Variants in NEK3 observed in about 807,000 individuals in gnomAD.
The protein encoded by NEK3 is NIMA related kinase 3, also known as serine/threonine-protein kinase Nek3.
NEK3 carries 54 observed loss-of-function variants against 66.0 expected under a neutral mutation model. That is an observed-to-expected ratio of 0.82 (90% CI 0.66 to 1.03). NEK3 has a LOEUF of 1.03. Ranked by LOEUF, NEK3 falls within the 50% of genes least tolerant of loss-of-function variation. NEK3 has a pLI of 0.00. For synonymous variants in NEK3, 200 were observed against 206.2 expected, an observed-to-expected ratio of 0.97 and a Z score of 0.26; for missense variants, 593 against 603.0, an observed-to-expected ratio of 0.98 and a Z score of 0.17.
intron 1 of NEK3, chr13:52,157,230 G>A (rs1044058337): frequency 6.6e-6 from 1 of 152,232 alleles, no homozygotes; most frequent in African/African-American, 2.4e-5. Flanking sequence ...AGTGGAGGAG[G>A]GGCAGGAAGG....
intron 9 of NEK3, 93 bp from the exon 10 acceptor site, chr13:52,144,080 CAAT>C (rs999506326): frequency 8.3e-6 from 6 of 722,272 alleles, no homozygotes; most frequent in African/African-American, 5.5e-5. Flanking sequence ...TTCTTTAGCA[CAAT>C]AATATTTCAA....
intron 4 of NEK3, among the ~76,000 whole-genome samples, chr13:52,153,523 A>T (rs1956364522): frequency 6.6e-6 from 1 of 152,132 alleles, no homozygotes; most frequent in Non-Finnish European, 1.5e-5. Context: ...AAGAAACAGA[A>T]ATGGCAAGCT....
At position 52,132,700 on chromosome 13, in the gene NEK3, CATA is replaced by C. The variant is rs1956163348; in HGVS notation, c.*439_*441del. On this transcript the variant is annotated 3_prime_UTR_variant, in exon 16 of 16. Transcript: ENST00000610828. ...CCTTTAGGAAATGTAAAAAGAGTCA[CATA>C]ATAATAAACACATATCATAATGTGA... 2 of 153,152 alleles carry C rather than the reference CATA, an allele frequency of 1.3e-5. No individual in the cohort carries two copies. Among genetic ancestry groups the C allele is most frequent in the South Asian group, 2.1e-4 (1 of 4,834 alleles). The allele number at this position is 153,152 out of a possible 1,614,324, so 9.5% of individuals were successfully genotyped here.
intron 1 of NEK3, 44 bp downstream of exon 1, chr13:52,159,499 C>CCACGCGCCGCG (rs1956426606): frequency 1.3e-5 from 2 of 152,250 alleles, no homozygotes; most frequent in East Asian, 1.9e-4. Flanking sequence ...CACGCGCCGC[C>CCACGCGCCGCG]CTCCTCGTTC....
intron 2 of NEK3, among the ~76,000 whole-genome samples, chr13:52,155,141 A>T (rs1307546979): frequency 6.6e-6 from 1 of 152,236 alleles, no homozygotes; most frequent in East Asian, 2.0e-4. Context: ...CAAGCCCTCC[A>T]GATGATTATG....
rs1001337266 is a variant in NEK3, at chr13:52,136,147, G to A, written c.1143C>T (p.Leu381=). The change falls in exon 13 of 16, where the codon CTC becomes CTT. Residue 381 remains leucine (L), a synonymous_variant. Transcript: ENST00000610828. ...ALTALENASI[L]TSSLTAEDDR... ...CGTCCTCTGCTGTTAAACTGGAGGT[G>A]AGTATGGATGCATTTTCCAAAGCTG... 6 of 1,613,624 alleles carry A rather than the reference G, an allele frequency of 3.7e-6. No individual in the cohort carries two copies. The highest frequency in any genetic ancestry group is 1.7e-5 in the Admixed American group (1 of 60,000).
At chr13:52,142,279 CTT>C (rs1318424547) in intron 10 of NEK3, among the ~76,000 whole-genome samples, 51 of 142,880 alleles carry the variant, frequency 3.6e-4, no homozygotes, top group Admixed American at 4.2e-4. Flanking sequence ...CTGGCTATCT[CTT>C]TTTTTTTTTT....
chr13:52,136,752 A>T, intron 12 of NEK3, 48 bp downstream of exon 12: 2 of 1,237,638 alleles, frequency 1.6e-6, no homozygotes, highest in Non-Finnish European at 2.3e-6. Flanking sequence ...AAAAATTGGT[A>T]TTCCCCAACT....
At chr13:52,140,608 A>AAAT (rs1254208172) in intron 11 of NEK3, among the ~76,000 whole-genome samples, 5 of 151,784 alleles carry the variant, frequency 3.3e-5, no homozygotes, top group African/African-American at 4.8e-5. Context: ...ACTCCATCTC[A>AAAT]AATAATAATA....
intron 4 of NEK3, 58 bp from the exon 5 acceptor site, chr13:52,152,750 T>G: frequency 9.0e-7 from 1 of 1,111,372 alleles, no homozygotes; most frequent in South Asian, 1.3e-5. Context: ...CATGTTAACC[T>G]ACAATTCCAA....
intron 1 of NEK3, chr13:52,157,179 A>G (rs971226904): frequency 2.6e-5 from 4 of 152,244 alleles, no homozygotes; most frequent in African/African-American, 7.2e-5. Context: ...ATATTTGCAT[A>G]TTAGAAAAAA....
chr13:52,154,144 C>A lies in NEK3; in HGVS notation c.147G>T (p.Lys49Asn). ...TCATTTTGGCTAAAAGAACAGCCTC[C>A]TTCCTAGAATTCTGTGTATTAGAGA... ...KSFSNTQNSR[K>N]EAVLLAKMKH... The change falls in exon 3 of 16, where the codon AAG (lysine) becomes AAT (asparagine). Residue 49 changes from lysine (K) to asparagine (N), a missense_variant. Coordinates refer to ENST00000610828, the MANE Select transcript of NEK3 (RefSeq NM_002498.3). 1 of 1,610,370 alleles carries A rather than the reference C, an allele frequency of 6.2e-7. No individual in the cohort carries two copies. Among genetic ancestry groups the A allele is most frequent in the Non-Finnish European group, 8.5e-7 (1 of 1,177,736 alleles).
chr13:52,134,449 T>C (rs140628670), intron 14 of NEK3, among the ~76,000 whole-genome samples: 1 of 152,314 alleles, frequency 6.6e-6, no homozygotes, highest in Non-Finnish European at 1.5e-5. Flanking sequence ...AGTAATTTCT[T>C]TTTTCCTTTG....
chr13:52,138,120 C>T lies in NEK3; in HGVS notation c.928-1218G>A, dbSNP rs193016652. On this transcript the variant is annotated intron_variant, in intron 11 of 15. Coordinates refer to ENST00000610828, the MANE Select transcript of NEK3 (RefSeq NM_002498.3). ...ACTGCCCTCCTCAACTTCCCAGGCT[C>T]AGGCGATCCTCCCGCCTCAGCTTCC... Among the ~76,000 whole-genome samples the T allele has an allele frequency of 3.3e-5, 5 of 152,290 alleles. No individual in the cohort carries two copies. The East Asian group carries it at 9.7e-4, about 29-fold the overall frequency.
At chr13:52,148,161 A>G (rs1956309630) in intron 8 of NEK3, 1 of 351,876 alleles carries the variant, frequency 2.8e-6, no homozygotes, top group African/African-American at 2.1e-5. Context: ...AGAATAGCAA[A>G]AAGAAAGAAA....
intron 10 of NEK3, 132 bp from the exon 11 acceptor site, chr13:52,141,201 T>C: frequency 3.1e-6 from 2 of 641,846 alleles, no homozygotes; most frequent in South Asian, 5.3e-5. Context: ...AGCTCTCTGA[T>C]ATCCTGAATG....
chr13:52,153,357 T>A (rs17482660), intron 4 of NEK3, among the ~76,000 whole-genome samples: 2,418 of 152,218 alleles, frequency 0.016, 74 homozygotes, highest in Admixed American at 0.081. Flanking sequence ...ATAACCTAGA[T>A]CAAACTAAGC....
intron 2 of NEK3, among the ~76,000 whole-genome samples, chr13:52,155,037 C>T (rs1170793063): frequency 5.3e-5 from 8 of 151,724 alleles, no homozygotes; most frequent in Non-Finnish European, 1.2e-4. Flanking sequence ...ACATCAGCAC[C>T]AACTGGGAAC....
chr13:52,156,605 C>T (rs1195790748), intron 1 of NEK3: 2 of 155,526 alleles, frequency 1.3e-5, no homozygotes, highest in Non-Finnish European at 2.8e-5. Flanking sequence ...ACTGAATAAC[C>T]CTTATCTTAT....
Sources: allele counts gnomAD v4.1 joint callset (sites outside exome capture counted in the v4.1 genomes callset), GRCh38; gene constraint gnomAD v4.1.1; transcripts MANE v1.5; gene names NCBI Gene and HGNC (gene_info 2026-07-23, HGNC 2026-07-21).